Variants in SYTL3 observed in about 807,000 individuals in gnomAD.
SYTL3 encodes synaptotagmin like 3.
Under a neutral mutation model 82.1 loss-of-function variants are expected in SYTL3, and 88 were observed. The observed-to-expected ratio is 1.07, with a 90% CI of 0.90 to 1.28. The LOEUF is 1.28. Among genes scored for constraint, SYTL3 ranks in the 50% most tolerant of loss-of-function variants. The pLI, the probability that SYTL3 is intolerant of heterozygous loss-of-function variation, is 0.00. For synonymous variants in SYTL3, 311 were observed against 289.4 expected (o/e 1.07, Z -0.76); for missense variants, 831 against 757.6 (o/e 1.10, Z -1.14).
At chr6:158,671,432 G>GTA (rs1436560148) in intron 5 of SYTL3, among the ~76,000 whole-genome samples, 1 of 152,126 alleles carries the variant, frequency 6.6e-6, no homozygotes, top group African/African-American at 2.4e-5. Context: ...ATTTTGCATG[G>GTA]TAGCCAAGAC....
upstream of SYTL3, among the ~76,000 whole-genome samples, chr6:158,647,727 C>T (rs1309863458): frequency 2.0e-5 from 3 of 152,258 alleles, no homozygotes; most frequent in South Asian, 2.1e-4. Flanking sequence ...CACCTTTACT[C>T]GTAACTGCTC....
intron 6 of SYTL3, among the ~76,000 whole-genome samples, chr6:158,689,184 G>T (rs1443513950): frequency 2.6e-5 from 4 of 152,106 alleles, no homozygotes; most frequent in Non-Finnish European, 4.4e-5. Flanking sequence ...TATCTTTTTG[G>T]CACATCTCTG....
rs1783233203 is a variant in SYTL3 at position 158,715,295 on chromosome 6, G to A, written c.595+1417G>A. Among the ~76,000 whole-genome samples, 4 of 152,042 alleles carry A rather than the reference G, an allele frequency of 2.6e-5. No individual in the cohort carries two copies. The South Asian group carries it at 8.3e-4, about 32-fold the overall frequency. On this transcript the variant is annotated intron_variant, in intron 9 of 17. Transcript: ENST00000611299. The stretch of plus-strand genomic sequence containing the variant: ...CTATAGAATCAGTGCCTTGGAGTTA[G>A]CCCCAACCCTGTCATCCCCCAGCCA...
intron 6 of SYTL3, among the ~76,000 whole-genome samples, chr6:158,699,033 A>T (rs1754531728): frequency 6.6e-6 from 1 of 152,140 alleles, no homozygotes; most frequent in African/African-American, 2.4e-5. Context: ...AGCGTGACCC[A>T]TGCTGTGTGG....
chr6:158,761,928 G>A (rs1323360336), intron 15 of SYTL3, 148 bp from the exon 16 acceptor site: 2 of 605,904 alleles, frequency 3.3e-6, no homozygotes, highest in East Asian at 5.6e-5. Flanking sequence ...AGGGCCAGCA[G>A]AGCCCACTGC....
At chr6:158,718,592 A>G (rs1032565029) in intron 10 of SYTL3, among the ~76,000 whole-genome samples, 7 of 152,156 alleles carry the variant, frequency 4.6e-5, no homozygotes, top group Middle Eastern at 3.2e-3. Context: ...GTTAAAATCT[A>G]TCCTGACCTC....
At chr6:158,719,124 T>C (rs1205329402) in intron 10 of SYTL3, among the ~76,000 whole-genome samples, 1 of 152,196 alleles carries the variant, frequency 6.6e-6, no homozygotes, top group Non-Finnish European at 1.5e-5. Context: ...AATGAGATAA[T>C]GTAGTATCTT....
At chr6:158,677,242 T>C (rs1363759661) in intron 5 of SYTL3, among the ~76,000 whole-genome samples, 1 of 152,102 alleles carries the variant, frequency 6.6e-6, no homozygotes, top group Non-Finnish European at 1.5e-5. Context: ...AAGGATGAGT[T>C]CATGTCCTTT....
chr6:158,653,476 C>T (rs573500381), intron 2 of SYTL3, among the ~76,000 whole-genome samples: 10 of 151,822 alleles, frequency 6.6e-5, no homozygotes, highest in East Asian at 3.9e-4. Flanking sequence ...ATTGCATTCC[C>T]GCCTGGGCAA....
At chr6:158,740,614 A>C (rs764021764) in intron 11 of SYTL3, among the ~76,000 whole-genome samples, 1 of 152,174 alleles carries the variant, frequency 6.6e-6, no homozygotes, top group South Asian at 2.1e-4. Flanking sequence ...CTTGCATCCC[A>C]GGAAATTCCT....
chr6:158,763,727 G>A (rs1473657311), intron 17 of SYTL3, among the ~76,000 whole-genome samples: 2 of 152,154 alleles, frequency 1.3e-5, no homozygotes, highest in Non-Finnish European at 1.5e-5. Flanking sequence ...ATCTGCTAAA[G>A]AAACAAAAAT....
intron 4 of SYTL3, 136 bp from the exon 5 acceptor site, chr6:158,665,259 G>C: frequency 1.4e-6 from 1 of 732,908 alleles, no homozygotes; most frequent in East Asian, 2.7e-5. Context: ...AGTTCACACA[G>C]CCATGTTGGA....
chr6:158,697,164 C>T (rs1418635654), intron 6 of SYTL3, among the ~76,000 whole-genome samples: 1 of 149,062 alleles, frequency 6.7e-6, no homozygotes, highest in Non-Finnish European at 1.5e-5. Flanking sequence ...GGAAGCTGGG[C>T]GTGGTGGCTT....
At chr6:158,761,630 T>C (rs1248966259) in intron 15 of SYTL3, among the ~76,000 whole-genome samples, 1 of 152,174 alleles carries the variant, frequency 6.6e-6, no homozygotes, top group African/African-American at 2.4e-5. Flanking sequence ...TTCTGTTGTG[T>C]ATTTTGCTGA....
intron 15 of SYTL3, 126 bp downstream of exon 15, chr6:158,760,871 A>G (rs1789825285): frequency 1.4e-6 from 1 of 724,512 alleles, no homozygotes; most frequent in Non-Finnish European, 2.4e-6. Context: ...GCCCAGCTCC[A>G]GCAGCTCTTC....
Position 158,683,744 on chromosome 6 carries a change from C to T in SYTL3, c.394+755C>T, listed in dbSNP as rs560407610. ...CTTGTTAGCCCATATTGCGCCAAAG[C>T]ACAATACCTTGTTTATAATACTTGA... On this transcript the variant is annotated intron_variant, in intron 6 of 17. Coordinates refer to ENST00000611299, the MANE Select transcript of SYTL3 (RefSeq NM_001242394.2). Among the ~76,000 whole-genome samples, 4 of 152,350 alleles carry T rather than the reference C, an allele frequency of 2.6e-5. No individual in the cohort carries two copies. The South Asian group carries it at 8.3e-4, about 32-fold the overall frequency.
Position 158,737,117 on chromosome 6 carries a change from A to G in SYTL3, c.856-8363A>G, listed in dbSNP as rs143264460. ...CATCCACATTTTGTGGCATTTTTAA[A>G]AGGCTGATAATCACTAAGCTTACCA... On this transcript the variant is annotated intron_variant, in intron 11 of 17. Coordinates refer to ENST00000611299, the MANE Select transcript of SYTL3 (RefSeq NM_001242394.2). 4.1e-4 allele frequency among the ~76,000 whole-genome samples: 63 copies of G among 152,164 alleles called. No individual in the cohort carries two copies. In the East Asian group the frequency reaches 0.012, roughly 28 times the overall value.
At chr6:158,698,930 A>C (rs747083469) in intron 6 of SYTL3, among the ~76,000 whole-genome samples, 1 of 152,172 alleles carries the variant, frequency 6.6e-6, no homozygotes, top group Non-Finnish European at 1.5e-5. Flanking sequence ...ATAGTTTCTT[A>C]CACAGGATGT....
chr6:158,716,964 A>G (rs1237068445), intron 9 of SYTL3, among the ~76,000 whole-genome samples: 1 of 152,224 alleles, frequency 6.6e-6, no homozygotes, highest in Non-Finnish European at 1.5e-5. Flanking sequence ...TTTTGGATAT[A>G]TTGTGTTAAA....
Sources: allele counts gnomAD v4.1 joint callset (sites outside exome capture counted in the v4.1 genomes callset), GRCh38; gene constraint gnomAD v4.1.1; transcripts MANE v1.5; gene names NCBI Gene and HGNC (gene_info 2026-07-23, HGNC 2026-07-21).